The following RTTN variants were observed in gnomAD, a reference collection of about 807,000 sequenced individuals.
RTTN encodes the protein rotatin.
RTTN carries 182 observed loss-of-function variants against 269.2 expected under a neutral mutation model. The ratio of observed to expected loss-of-function variants is 0.68; its 90% CI spans 0.60 to 0.76. The LOEUF (loss-of-function observed/expected upper bound fraction) is 0.76. Among genes scored for constraint, RTTN ranks in the 30% least tolerant of loss-of-function variants. The pLI is 0.00. For synonymous variants in RTTN, 1,006 were observed against 963.5 expected, an observed-to-expected ratio of 1.04 and a Z score of -0.82; for missense variants, 2,545 against 2,608.6, an observed-to-expected ratio of 0.98 and a Z score of 0.53.
intron 10 of RTTN, among the ~76,000 whole-genome samples, chr18:70,178,233 A>G (rs1174756203): frequency 2.0e-5 from 3 of 152,220 alleles, no homozygotes; most frequent in African/African-American, 4.8e-5. Flanking sequence ...TGTCTCAAAG[A>G]AAAAAAGAAA....
chr18:70,139,827 C>A, intron 20 of RTTN, 111 bp from the exon 21 acceptor site: 1 of 717,406 alleles, frequency 1.4e-6, no homozygotes, highest in African/African-American at 1.8e-5. Context: ...TCAAAATTAT[C>A]TGAAACTAAA....
At chr18:70,174,003 G>C (rs2061217896) in intron 11 of RTTN, among the ~76,000 whole-genome samples, 2 of 152,094 alleles carry the variant, frequency 1.3e-5, no homozygotes, top group Non-Finnish European at 2.9e-5. Flanking sequence ...TGGAGAAGGA[G>C]GGAGAGGTAA....
At chr18:70,068,169 C>A (rs942461795) in intron 34 of RTTN, among the ~76,000 whole-genome samples, 4 of 152,184 alleles carry the variant, frequency 2.6e-5, no homozygotes, top group African/African-American at 9.7e-5. Context: ...TAGATATAAT[C>A]TCCAATCGAT....
At position 70,190,545 on chromosome 18, in the gene RTTN, T is replaced by C; in HGVS notation, c.1182A>G (p.Leu394=). ...VSILESAVPL[L]RTGSRQVIIR... ...ATTTCTAAAACAACTAACCTGTTCT[T>C]AAGAGAGGAACAGCTGATTCCAGAA... The change falls in exon 9 of 49, where the codon TTA becomes TTG. Residue 394 remains leucine, a synonymous_variant. Coordinates refer to ENST00000640769, the MANE Select transcript of RTTN (RefSeq NM_173630.4). 6.2e-7 allele frequency: 1 copy of C among 1,610,792 alleles called. No individual in the cohort carries two copies. The highest frequency in any genetic ancestry group is 8.5e-7 in the Non-Finnish European group (1 of 1,177,160).
intron 43 of RTTN, 112 bp downstream of exon 43, chr18:70,028,611 TA>T (rs1568262910): frequency 1.7e-6 from 1 of 598,068 alleles, no homozygotes; most frequent in Non-Finnish European, 2.9e-6. Flanking sequence ...ACTGTGTGTC[TA>T]AAAATTTAAA....
At chr18:70,109,753 A>T (rs778172882) in intron 27 of RTTN, 36 bp from the exon 28 acceptor site, 3 of 1,550,074 alleles carry the variant, frequency 1.9e-6, no homozygotes, top group Middle Eastern at 1.8e-4. Context: ...AACCACCAAG[A>T]AAGTATAATG....
intron 14 of RTTN, among the ~76,000 whole-genome samples, chr18:70,153,619 A>T (rs1445733816): frequency 2.0e-5 from 3 of 152,214 alleles, no homozygotes; most frequent in Non-Finnish European, 4.4e-5. Flanking sequence ...TAACCTCCAC[A>T]TTACTAGCAC....
intron 28 of RTTN, among the ~76,000 whole-genome samples, chr18:70,096,154 T>C (rs1210674918): frequency 6.6e-6 from 1 of 152,198 alleles, no homozygotes; most frequent in African/African-American, 2.4e-5. Flanking sequence ...CATCAGGTCA[T>C]TTATGTTCTT....
intron 10 of RTTN, among the ~76,000 whole-genome samples, chr18:70,184,716 T>TGTG (rs1555776913): frequency 3.0e-3 from 102 of 33,448 alleles, no homozygotes; most frequent in African/African-American, 6.3e-3. Context: ...TTTTTTTTTT[T>TGTG]TGTGTGTGTG....
chr18:70,191,661 T>TA (rs1351223957), intron 8 of RTTN, among the ~76,000 whole-genome samples: 1 of 152,166 alleles, frequency 6.6e-6, no homozygotes, highest in Non-Finnish European at 1.5e-5. Flanking sequence ...GCCTCACACT[T>TA]ACAAAGAGCC....
chr18:70,201,607 CAAAAAAAAA>C lies in RTTN; in HGVS notation c.487+278_487+286del, dbSNP rs34966295. The stretch of plus-strand genomic sequence containing the variant: ...TGGGCGACAGAGCGAGACTCCATCT[CAAAAAAAAA>C]AAAAAAAAAAAAAAAAAACTCATGT... On this transcript the variant is annotated intron_variant, in intron 4 of 48. Coordinates refer to ENST00000640769, the MANE Select transcript of RTTN (RefSeq NM_173630.4). Among the ~76,000 whole-genome samples the C allele has an allele frequency of 9.5e-4, 39 of 41,008 alleles. 1 individual carries two copies. The East Asian group carries it at 0.031, about 32-fold the overall frequency. 26.9% of individuals were successfully genotyped at this position (41,008 alleles called of 152,430 possible). A position where few individuals can be genotyped will look rare whatever the true frequency, so the allele number is the denominator to read the frequency against.
intron 23 of RTTN, among the ~76,000 whole-genome samples, chr18:70,133,425 T>C (rs993780715): frequency 6.6e-6 from 1 of 152,112 alleles, no homozygotes; most frequent in African/African-American, 2.4e-5. Flanking sequence ...CAATGACACG[T>C]GTTCAAGAAT....
Position 70,059,865 on chromosome 18 carries a change from A to G in RTTN, c.4925T>C (p.Ile1642Thr). ...TAKAFRQAHL[I>T]ELLCSIADAT... is the part of the protein sequence containing the mutation. Reference sequence around the variant, plus strand: ...TATCTCTTACCTACAGAGAAGTTCTATGAGATGAGCTTGTCGAAAAGCCTT... The same window carrying G: ...TATCTCTTACCTACAGAGAAGTTCTGTGAGATGAGCTTGTCGAAAAGCCTT... The change falls in exon 36 of 49, where the codon ATA becomes ACA. Residue 1642 changes from isoleucine to threonine, a missense_variant. By Grantham distance (89) the Ile-to-Thr change is moderately conservative. Transcript: ENST00000640769. 6.2e-7 allele frequency: 1 copy of G among 1,606,814 alleles called. No homozygotes were observed. Among genetic ancestry groups the G allele is most frequent in the South Asian group, 1.1e-5 (1 of 89,974 alleles).
rs527616720 is a variant in RTTN, at chr18:70,149,362, C to G, written c.2173-325G>C. ...TCACAGATCCTCAGCCCATCCCCAC[C>G]CTAAGAAGATGGAGTGCTCTAAATG... On this transcript the variant is annotated intron_variant, in intron 16 of 48. Coordinates refer to ENST00000640769, the MANE Select transcript of RTTN (RefSeq NM_173630.4). Among the ~76,000 whole-genome samples the G allele has an allele frequency of 1.7e-4, 26 of 152,070 alleles. 1 individual carries two copies. Among genetic ancestry groups the G allele is most frequent in the Admixed American group, 1.6e-3 (25 of 15,254 alleles).
At chr18:70,131,128 CAG>C (rs1440505693) in intron 23 of RTTN, 1 of 111,480 alleles carries the variant, frequency 9.0e-6, no homozygotes, top group Non-Finnish European at 1.8e-5. Context: ...TTTTTTAAAA[CAG>C]AAAGAATTTT....
rs2144816029 is a variant in RTTN, at chr18:70,052,154, T to G, written c.5186-606A>C. ...TCTCTCCACTCAGGTAAATGGAAGC[T>G]GGAGAGCAGTCGCTGAGGACTCTCT... is the stretch of plus-strand genomic sequence containing the variant. On this transcript the variant is annotated intron_variant, in intron 38 of 48. Coordinates refer to ENST00000640769, the MANE Select transcript of RTTN (RefSeq NM_173630.4). 3.3e-5 allele frequency among the ~76,000 whole-genome samples: 5 copies of G among 152,330 alleles called. No individual in the cohort carries two copies. In the South Asian group the frequency reaches 1.0e-3, roughly 32 times the overall value.
chr18:70,110,820 C>T (rs1000688671), intron 27 of RTTN, among the ~76,000 whole-genome samples: 3 of 152,250 alleles, frequency 2.0e-5, no homozygotes, highest in African/African-American at 7.2e-5. Context: ...GCTTGAAATT[C>T]TCGTTGCCAG....
intron 28 of RTTN, among the ~76,000 whole-genome samples, chr18:70,094,627 G>T (rs1287171893): frequency 6.6e-6 from 1 of 152,156 alleles, no homozygotes; most frequent in Non-Finnish European, 1.5e-5. Flanking sequence ...CTTCTAATTT[G>T]ATTCCACTGT....
intron 28 of RTTN, 35 bp from the exon 29 acceptor site, chr18:70,092,839 T>A: frequency 6.3e-7 from 1 of 1,577,158 alleles, no homozygotes; most frequent in South Asian, 1.1e-5. Flanking sequence ...CATGGTGGCT[T>A]TATTCTCAAT....
Sources: allele counts gnomAD v4.1 joint callset (sites outside exome capture counted in the v4.1 genomes callset), GRCh38; gene constraint gnomAD v4.1.1; transcripts MANE v1.5; gene names NCBI Gene and HGNC (gene_info 2026-07-23, HGNC 2026-07-21).